Variants in MALRD1 observed in about 807,000 individuals in gnomAD.
MALRD1 encodes MAM and LDL-receptor class A domain-containing protein 1.
A neutral mutation model predicts 242.1 loss-of-function variants in MALRD1; 247 were observed. The observed-to-expected ratio is 1.02, with a 90% CI of 0.92 to 1.13. MALRD1 has a LOEUF of 1.13. Ranked by LOEUF, MALRD1 falls within the 50% of genes most tolerant of loss-of-function variation. MALRD1 has a pLI of 0.00. For missense variants in MALRD1, 2,989 were observed against 2,533.1 expected, an observed-to-expected ratio of 1.18 and a Z score of -3.86; for synonymous variants, 995 against 866.6, an observed-to-expected ratio of 1.15 and a Z score of -2.60.
chr10:19,121,417 T>C (rs943780310), intron 5 of MALRD1, among the ~76,000 whole-genome samples: 3 of 152,176 alleles, frequency 2.0e-5, no homozygotes, highest in African/African-American at 7.2e-5. Flanking sequence ...TTAAAAAAAC[T>C]GTTATTGACA....
intron 21 of MALRD1, among the ~76,000 whole-genome samples, chr10:19,320,041 CTTTTTTTTTTT>C (rs34481531): frequency 1.4e-5 from 1 of 73,070 alleles, no homozygotes; most frequent in Non-Finnish European, 2.4e-5. Flanking sequence ...TATAAAACTG[CTTTTTTTTTTT>C]TTTTTTTTTT....
chr10:19,479,648 C>T (rs1836897782), intron 29 of MALRD1, among the ~76,000 whole-genome samples: 1 of 152,198 alleles, frequency 6.6e-6, no homozygotes, highest in African/African-American at 2.4e-5. Context: ...ATCATCATCA[C>T]ATCCTTTTCA....
chr10:19,373,566 G>C (rs916476307), intron 26 of MALRD1, among the ~76,000 whole-genome samples: 60 of 151,828 alleles, frequency 4.0e-4, no homozygotes, highest in East Asian at 3.9e-4. Context: ...AAGGGAAGAA[G>C]GGAGAGAGGG....
At position 19,313,042 on chromosome 10, in the gene MALRD1, T is replaced by C. The variant is rs537127277; in HGVS notation, c.3420-10907T>C. Among the ~76,000 whole-genome samples, 68 of 151,478 alleles carry C rather than the reference T, an allele frequency of 4.5e-4. 1 individual carries two copies. The South Asian group carries it at 0.014, about 30-fold the overall frequency. On this transcript the variant is annotated intron_variant, in intron 21 of 39. Coordinates refer to ENST00000454679, the MANE Select transcript of MALRD1 (RefSeq NM_001142308.3). Reference sequence around the variant, plus strand: ...AGTTACTGATTCAGCAGGTGTAAGATAGGTCCCAAGAAATGGCATTTTAAC... The same window carrying C: ...AGTTACTGATTCAGCAGGTGTAAGACAGGTCCCAAGAAATGGCATTTTAAC...
chr10:19,334,421 A>C (rs1302542109), intron 24 of MALRD1, among the ~76,000 whole-genome samples: 2 of 151,854 alleles, frequency 1.3e-5, no homozygotes, highest in Admixed American at 6.6e-5. Context: ...AAAAAAAAAA[A>C]CTTAATGTTT....
At chr10:19,569,592 C>G (rs1423429433) in intron 33 of MALRD1, among the ~76,000 whole-genome samples, 1 of 149,620 alleles carries the variant, frequency 6.7e-6, no homozygotes, top group African/African-American at 2.4e-5. Flanking sequence ...TTCAATACCT[C>G]TTCTTCCAGT....
chr10:19,085,880 A>G (rs576254504), intron 2 of MALRD1, among the ~76,000 whole-genome samples: 59 of 152,120 alleles, frequency 3.9e-4, no homozygotes, highest in African/African-American at 1.3e-3. Context: ...ATATTTATAA[A>G]CAATAATTTA....
At chr10:19,273,632 G>A (rs1252940774) in intron 19 of MALRD1, among the ~76,000 whole-genome samples, 2 of 152,138 alleles carry the variant, frequency 1.3e-5, no homozygotes, top group African/African-American at 2.4e-5. Context: ...ATATGAAAAG[G>A]CTACATACCC....
At chr10:19,404,017 A>G (rs752128589) in intron 28 of MALRD1, among the ~76,000 whole-genome samples, 40 of 152,132 alleles carry the variant, frequency 2.6e-4, no homozygotes, top group Non-Finnish European at 5.0e-4. Flanking sequence ...TTACTAAGCA[A>G]TTTTGTTTCT....
At chr10:19,236,665 A>T (rs966187677) in intron 18 of MALRD1, among the ~76,000 whole-genome samples, 1 of 152,152 alleles carries the variant, frequency 6.6e-6, no homozygotes, top group African/African-American at 2.4e-5. Context: ...AAAAGCACAT[A>T]AAAAGGAAGG....
intron 34 of MALRD1, among the ~76,000 whole-genome samples, chr10:19,600,807 G>T (rs758479405): frequency 2.0e-5 from 3 of 152,112 alleles, no homozygotes; most frequent in Non-Finnish European, 2.9e-5. Context: ...GGCACAAAAT[G>T]CCCTGTGTTA....
intron 14 of MALRD1, among the ~76,000 whole-genome samples, chr10:19,179,331 T>C (rs1835395370): frequency 6.6e-6 from 1 of 152,150 alleles, no homozygotes. Flanking sequence ...AATGACAATG[T>C]ATTGTACACT....
chr10:19,403,920 T>G (rs577308117), intron 28 of MALRD1, among the ~76,000 whole-genome samples: 1 of 152,234 alleles, frequency 6.6e-6, no homozygotes, highest in Non-Finnish European at 1.5e-5. Flanking sequence ...ATTTTCTTGG[T>G]AGTCAAAAGA....
intron 29 of MALRD1, among the ~76,000 whole-genome samples, chr10:19,463,710 C>A (rs560550687): frequency 6.6e-6 from 1 of 152,096 alleles, no homozygotes; most frequent in South Asian, 2.1e-4. Context: ...ATAATTACTT[C>A]TTTTCCTCTG....
At chr10:19,706,931 C>A (rs1275543373) in intron 38 of MALRD1, among the ~76,000 whole-genome samples, 1 of 152,160 alleles carries the variant, frequency 6.6e-6, no homozygotes, top group Non-Finnish European at 1.5e-5. Context: ...AGTGACAGGT[C>A]TGTCAGCATA....
intron 26 of MALRD1, among the ~76,000 whole-genome samples, chr10:19,373,578 G>C (rs979246169): frequency 2.6e-5 from 4 of 151,772 alleles, no homozygotes; most frequent in African/African-American, 9.7e-5. Context: ...GAGAGAGGGA[G>C]GGATGGAAGA....
rs762913209 is a variant in MALRD1 at position 19,209,547 on chromosome 10, G to C, written c.2858G>C (p.Arg953Pro). 6.4e-7 allele frequency: 1 copy of C among 1,550,782 alleles called. No individual in the cohort carries two copies. Among genetic ancestry groups the C allele is most frequent in the South Asian group, 1.2e-5 (1 of 84,064 alleles). ...FRFYYHMFGK[R>P]IYRLAIYQRI... ...TTCTATTACCACATGTTTGGAAAGCGCATTTATAGGTTGGCAATCTACCAA... is the reference window on the plus strand; with the variant it reads ...TTCTATTACCACATGTTTGGAAAGCCCATTTATAGGTTGGCAATCTACCAA... Residue 953 changes from arginine to proline, a missense_variant, in exon 18 of 40, where the codon CGC (arginine) becomes CCC (proline). Physicochemically the swap from Arg to Pro is moderately radical, Grantham distance 103. Transcript: ENST00000454679.
chr10:19,683,336 C>T (rs1309228852), intron 36 of MALRD1, among the ~76,000 whole-genome samples: 1 of 152,162 alleles, frequency 6.6e-6, no homozygotes, highest in South Asian at 2.1e-4. Context: ...AAAGCCACAA[C>T]CAGAATTTAT....
At chr10:19,637,101 C>A (rs1840170738) in intron 36 of MALRD1, among the ~76,000 whole-genome samples, 1 of 151,964 alleles carries the variant, frequency 6.6e-6, no homozygotes, top group Non-Finnish European at 1.5e-5. Flanking sequence ...TATTAAATGG[C>A]CAATAAGACT....
Sources: gnomAD v4.1 joint callset for allele counts (sites outside exome capture counted in the v4.1 genomes callset) on GRCh38, gnomAD v4.1.1 for gene constraint, MANE v1.5 for transcripts, NCBI Gene and HGNC (gene_info 2026-07-23, HGNC 2026-07-21) for gene names.